TRIM2: variants seen among roughly 807,000 people sequenced by gnomAD.
TRIM2 encodes the protein tripartite motif containing 2.
Under a neutral mutation model 75.2 loss-of-function variants are expected in TRIM2, and 20 were observed. The observed-to-expected ratio is 0.27, with a 90% CI of 0.19 to 0.39. The LOEUF is 0.39. TRIM2 is among the 10% of genes least tolerant of loss of function. The probability of loss-of-function intolerance (pLI) is 1.00; values close to 1 mark genes in which losing one functional copy is unlikely to be tolerated. For synonymous variants in TRIM2, 373 were observed against 388.3 expected, an observed-to-expected ratio of 0.96 and a Z score of 0.46; for missense variants, 660 against 990.8, an observed-to-expected ratio of 0.67 and a Z score of 4.48.
chr4:153,258,414 C>T (rs913969624), intron 1 of TRIM2, among the ~76,000 whole-genome samples: 4 of 150,620 alleles, frequency 2.7e-5, no homozygotes. Context: ...AAAAAAAAAA[C>T]CCTTGGGTTT....
upstream of TRIM2, chr4:153,204,366 C>A: frequency 1.4e-6 from 1 of 705,908 alleles, no homozygotes; most frequent in Non-Finnish European, 2.5e-6. Context: ...TCTCATTGTC[C>A]CCTGATACTG....
intron 1 of TRIM2, among the ~76,000 whole-genome samples, chr4:153,251,880 C>A (rs183866285): frequency 1.3e-5 from 2 of 152,202 alleles, no homozygotes; most frequent in East Asian, 3.9e-4. Context: ...ACTGGGGAGA[C>A]TAAGGTGGGA....
At chr4:153,322,359 C>G (rs1464779086) in intron 8 of TRIM2, among the ~76,000 whole-genome samples, 1 of 151,970 alleles carries the variant, frequency 6.6e-6, no homozygotes, top group Admixed American at 6.5e-5. Flanking sequence ...TGCAGTGAGC[C>G]GAGATTGCAC....
At chr4:153,314,019 G>C (rs529329567) in intron 6 of TRIM2, among the ~76,000 whole-genome samples, 1 of 151,850 alleles carries the variant, frequency 6.6e-6, no homozygotes, top group Non-Finnish European at 1.5e-5. Flanking sequence ...CTTCCTTCCT[G>C]GTCATTTTTG....
upstream of TRIM2, among the ~76,000 whole-genome samples, chr4:153,202,833 G>A (rs945625956): frequency 2.4e-4 from 37 of 151,958 alleles, no homozygotes; most frequent in African/African-American, 7.7e-4. Flanking sequence ...AAGGCCGGGC[G>A]CGGTGGCTCA....
intron 1 of TRIM2, chr4:153,266,836 A>C (rs1321235348): frequency 6.6e-6 from 1 of 151,720 alleles, no homozygotes; most frequent in African/African-American, 2.4e-5. Context: ...ACAGAGTTGG[A>C]AAATGGGTGT....
chr4:153,262,981 A>T (rs1027582401), intron 1 of TRIM2, among the ~76,000 whole-genome samples: 2 of 152,180 alleles, frequency 1.3e-5, no homozygotes, highest in Non-Finnish European at 2.9e-5. Context: ...AACATGTTAA[A>T]ATATGTCACT....
At chr4:153,185,470 C>T (rs986947579) in intron 1 of TRIM2, among the ~76,000 whole-genome samples, 1 of 152,084 alleles carries the variant, frequency 6.6e-6, no homozygotes, top group Non-Finnish European at 1.5e-5. Context: ...CTGCATGTCT[C>T]GGTGTGATGA....
upstream of TRIM2, among the ~76,000 whole-genome samples, chr4:153,204,056 C>T (rs1296097870): frequency 6.6e-6 from 1 of 152,132 alleles, no homozygotes; most frequent in African/African-American, 2.4e-5. Context: ...GAAAAACTCC[C>T]GTTGACCTCA....
chr4:153,201,085 T>C (rs1480676055), upstream of TRIM2, among the ~76,000 whole-genome samples: 1 of 152,176 alleles, frequency 6.6e-6, no homozygotes, highest in Non-Finnish European at 1.5e-5. Context: ...TTCCTCAACC[T>C]ACCGAGTAGC....
At position 153,174,126 on chromosome 4, in the gene TRIM2, C is replaced by T. The variant is rs1019792680; in HGVS notation, c.-49+20856C>T. 1.2e-4 allele frequency among the ~76,000 whole-genome samples: 4 copies of T among 34,110 alleles called. 1 individual carries two copies. Among genetic ancestry groups the T allele is most frequent in the Non-Finnish European group, 2.3e-4 (4 of 17,346 alleles). The allele number at this position is 34,110 out of a possible 152,430, so 22.4% of individuals were successfully genotyped here. ...TGCCCGATGGCAGAGATGACAGCAC[C>T]GTTTTCAGTGGAAACCCTTGCATTG... On this transcript the variant is annotated intron_variant, in intron 1 of 11. Transcript: ENST00000437508.
At chr4:153,163,308 C>T (rs1464922766) in intron 1 of TRIM2, among the ~76,000 whole-genome samples, 5 of 152,020 alleles carry the variant, frequency 3.3e-5, no homozygotes, top group Non-Finnish European at 5.9e-5. Flanking sequence ...ATCTCAGCCT[C>T]CTGAGTATCT....
chr4:153,162,629 A>G (rs1165274920), intron 1 of TRIM2, among the ~76,000 whole-genome samples: 1 of 152,226 alleles, frequency 6.6e-6, no homozygotes, highest in Non-Finnish European at 1.5e-5. Context: ...TGGGCACTGC[A>G]TGGCTCAGGC....
intron 1 of TRIM2, among the ~76,000 whole-genome samples, chr4:153,233,906 T>G (rs1053346707): frequency 6.6e-6 from 1 of 152,198 alleles, no homozygotes; most frequent in African/African-American, 2.4e-5. Context: ...AATCACTGTT[T>G]GCAGGAATTA....
chr4:153,226,694 T>C (rs1256400662), intron 1 of TRIM2, among the ~76,000 whole-genome samples: 1 of 152,184 alleles, frequency 6.6e-6, no homozygotes, highest in Non-Finnish European at 1.5e-5. Flanking sequence ...ACTAGCGTTT[T>C]AGTACTCTCA....
At chr4:153,313,176 C>G (rs1438376214) in intron 6 of TRIM2, among the ~76,000 whole-genome samples, 1 of 152,138 alleles carries the variant, frequency 6.6e-6, no homozygotes, top group Non-Finnish European at 1.5e-5. Context: ...AAACAACTCG[C>G]CATTTCACGA....
At chr4:153,186,683 G>A (rs564540473) in intron 1 of TRIM2, among the ~76,000 whole-genome samples, 1 of 152,294 alleles carries the variant, frequency 6.6e-6, no homozygotes, top group Non-Finnish European at 1.5e-5. Flanking sequence ...CCCGAAAGGG[G>A]AAGCCTTTCC....
chr4:153,253,825 G>A (rs1475822566), intron 1 of TRIM2, among the ~76,000 whole-genome samples: 1 of 152,152 alleles, frequency 6.6e-6, no homozygotes, highest in Non-Finnish European at 1.5e-5. Flanking sequence ...TTCGAGAAAG[G>A]GGAGGCATGA....
intron 6 of TRIM2, among the ~76,000 whole-genome samples, chr4:153,300,750 C>T (rs989217384): frequency 6.6e-6 from 1 of 152,038 alleles, no homozygotes; most frequent in Non-Finnish European, 1.5e-5. Flanking sequence ...GTCTTGATCT[C>T]TTGACCTTGT....
Sources: gnomAD v4.1 joint callset for allele counts (sites outside exome capture counted in the v4.1 genomes callset) on GRCh38, gnomAD v4.1.1 for gene constraint, MANE v1.5 for transcripts, NCBI Gene and HGNC (gene_info 2026-07-23, HGNC 2026-07-21) for gene names.